Variants in PTPN22 observed in about 807,000 individuals in gnomAD.
PTPN22 encodes the protein protein tyrosine phosphatase non-receptor type 22.
Under a neutral mutation model 103.3 loss-of-function variants are expected in PTPN22, and 85 were observed. The ratio of observed to expected loss-of-function variants is 0.82; its 90% confidence interval spans 0.69 to 0.99. PTPN22 has a LOEUF of 0.99. PTPN22 is among the 50% of genes least tolerant of loss of function. PTPN22 has a pLI of 0.00. For missense variants in PTPN22, 865 were observed against 936.9 expected (o/e 0.92, Z 1.00); for synonymous variants, 323 against 310.2 (o/e 1.04, Z -0.43).
At chr1:113,818,542 T>A (rs1232813369) in intron 20 of PTPN22, among the ~76,000 whole-genome samples, 1 of 152,206 alleles carries the variant, frequency 6.6e-6, no homozygotes, top group Admixed American at 6.5e-5. Context: ...CCAGAAATTT[T>A]AGTTAAACAT....
At chr1:113,814,734 C>T (rs376643550) in exon 21 of PTPN22, 3 of 591,160 alleles carry the variant, frequency 5.1e-6, no homozygotes. Context: ...TATGAAAATG[C>T]AAAACTGGCA....
At chr1:113,871,752 C>T (rs1391701646), upstream of PTPN22, 2 of 746,518 alleles carry the variant, frequency 2.7e-6, no homozygotes, top group Admixed American at 4.6e-5. Flanking sequence ...CTGTGGTTTA[C>T]TGACTTCATC....
exon 17 of PTPN22, chr1:113,830,006 G>A (rs751324264): frequency 6.2e-7 from 1 of 1,605,292 alleles, no homozygotes; most frequent in Non-Finnish European, 8.5e-7. Flanking sequence ...GGAGGTGGGG[G>A]AGAAGAACGA....
intron 16 of PTPN22, among the ~76,000 whole-genome samples, chr1:113,831,526 A>C (rs575322709): frequency 6.6e-6 from 1 of 152,178 alleles, no homozygotes; most frequent in East Asian, 1.9e-4. Context: ...TTATTTACCC[A>C]AATTTATTTT....
chr1:113,828,475 G>A (rs954783635), intron 18 of PTPN22, among the ~76,000 whole-genome samples: 2 of 151,844 alleles, frequency 1.3e-5, no homozygotes, highest in Non-Finnish European at 2.9e-5. Context: ...TTTTCAGGTG[G>A]TTATTTGATC....
intron 11 of PTPN22, among the ~76,000 whole-genome samples, chr1:113,839,935 C>T (rs1014624353): frequency 5.9e-5 from 9 of 151,770 alleles, no homozygotes; most frequent in Admixed American, 2.0e-4. Flanking sequence ...AAAAAGGCTG[C>T]GCACAGTGGC....
At chr1:113,819,493 A>T in intron 20 of PTPN22, 84 bp downstream of exon 20, 1 of 1,028,108 alleles carries the variant, frequency 9.7e-7, no homozygotes, top group Non-Finnish European at 1.4e-6. Flanking sequence ...GCAACCTAAA[A>T]TCATATTTAA....
In PTPN22 at chr1:113,854,457, T is replaced by A; in HGVS notation, c.750+14A>T. ...GACTAAGCAAATGGGAAGTGCCTGC[T>A]GAGAGAAACTCACCCCATCTTTTAG... is the stretch of plus-strand genomic sequence containing the variant. On this transcript the variant is annotated intron_variant, in intron 9 of 20. Transcript: ENST00000359785. The A allele has an allele frequency of 1.9e-6, 3 of 1,607,508 alleles. No individual in the cohort carries two copies. Among genetic ancestry groups the A allele is most frequent in the Non-Finnish European group, 2.6e-6 (3 of 1,173,932 alleles).
At chr1:113,850,829 TA>T (rs924982043) in intron 10 of PTPN22, among the ~76,000 whole-genome samples, 9 of 152,260 alleles carry the variant, frequency 5.9e-5, no homozygotes, top group Admixed American at 2.0e-4. Context: ...TCTTCATTTG[TA>T]AGTGTTTTAA....
intron 1 of PTPN22, among the ~76,000 whole-genome samples, chr1:113,868,361 C>T (rs1392420252): frequency 2.0e-5 from 3 of 152,154 alleles, no homozygotes; most frequent in Admixed American, 6.5e-5. Context: ...AATGAGTCCT[C>T]AAACCTCGGA....
At chr1:113,857,985 C>T in intron 4 of PTPN22, 1 of 377,774 alleles carries the variant, frequency 2.6e-6, no homozygotes, top group Non-Finnish European at 4.8e-6. Flanking sequence ...CTGTTCAGAC[C>T]AGTAATCTTG....
intron 18 of PTPN22, among the ~76,000 whole-genome samples, chr1:113,825,785 C>T (rs1558019130): frequency 6.6e-6 from 1 of 152,102 alleles, no homozygotes; most frequent in Non-Finnish European, 1.5e-5. Context: ...GTGATCTCAG[C>T]TCACTGCAAC....
intron 18 of PTPN22, among the ~76,000 whole-genome samples, chr1:113,825,644 C>T (rs1661983306): frequency 6.6e-6 from 1 of 152,204 alleles, no homozygotes; most frequent in South Asian, 2.1e-4. Context: ...TCTGATCCCA[C>T]CACTGCATTC....
chr1:113,814,596 A>G (rs1046084199), exon 21 of PTPN22: 3 of 226,800 alleles, frequency 1.3e-5, no homozygotes, highest in African/African-American at 6.9e-5. Flanking sequence ...GTAGAAAAGT[A>G]AAAGAAAATA....
intron 9 of PTPN22, among the ~76,000 whole-genome samples, 199 bp from the exon 10 acceptor site, chr1:113,852,303 T>A (rs1275307230): frequency 5.3e-5 from 8 of 152,050 alleles, no homozygotes; most frequent in Non-Finnish European, 7.4e-5. Context: ...TAGAAAAGAC[T>A]AAAGAAACTC....
At chr1:113,863,275 TAG>T (rs528650828) in intron 1 of PTPN22, among the ~76,000 whole-genome samples, 414 of 152,288 alleles carry the variant, frequency 2.7e-3, no homozygotes, top group African/African-American at 9.5e-3. Context: ...GTATTTTTAT[TAG>T]AGACAGGGTT....
chr1:113,816,249 G>T (rs562552880), intron 20 of PTPN22, among the ~76,000 whole-genome samples: 1 of 152,172 alleles, frequency 6.6e-6, no homozygotes, highest in South Asian at 2.1e-4. Context: ...AAGGCAGGTG[G>T]ATCGCTTGAG....
intron 20 of PTPN22, chr1:113,815,340 T>C (rs919813914): frequency 1.8e-5 from 3 of 168,976 alleles, no homozygotes; most frequent in Admixed American, 6.0e-5. Context: ...CACAAAAATA[T>C]AGCACCGTTA....
At chr1:113,856,354 G>C in intron 7 of PTPN22, 28 bp downstream of exon 7, 3 of 1,539,198 alleles carry the variant, frequency 1.9e-6, no homozygotes, top group African/African-American at 1.4e-5. Flanking sequence ...ATAGGCTTTT[G>C]AGTTTATCAT....
Sources: gnomAD v4.1 joint callset for allele counts (sites outside exome capture counted in the v4.1 genomes callset) on GRCh38, gnomAD v4.1.1 for gene constraint, MANE v1.5 for transcripts, NCBI Gene and HGNC (gene_info 2026-07-23, HGNC 2026-07-21) for gene names.